The following STK32C variants were observed in gnomAD, a reference collection of about 807,000 sequenced individuals.
The protein encoded by STK32C is serine/threonine-protein kinase 32C.
STK32C carries 31 observed loss-of-function variants against 56.5 expected under a neutral mutation model. The ratio of observed to expected loss-of-function variants is 0.55; its 90% confidence interval spans 0.41 to 0.74. The LOEUF is 0.74. Ranked by LOEUF, STK32C falls within the 30% of genes least tolerant of loss-of-function variation. STK32C has a pLI of 0.00. For missense variants in STK32C, 544 were observed against 676.9 expected (o/e 0.80, Z 2.18); for synonymous variants, 309 against 289.4 (o/e 1.07, Z -0.69).
chr10:132,326,851 A>AG (rs2066508861), intron 1 of STK32C, among the ~76,000 whole-genome samples: 1 of 152,200 alleles, frequency 6.6e-6, no homozygotes, highest in Admixed American at 6.5e-5. Flanking sequence ...GACAGAGAAG[A>AG]GGGGTCCATT....
chr10:132,228,868 A>G (rs2062993228), intron 2 of STK32C, among the ~76,000 whole-genome samples: 1 of 152,192 alleles, frequency 6.6e-6, no homozygotes, highest in Non-Finnish European at 1.5e-5. Flanking sequence ...ACACAGAGTG[A>G]GCGTGGGGCT....
chr10:132,271,241 C>T (rs1195528741), intron 1 of STK32C, among the ~76,000 whole-genome samples: 1 of 152,174 alleles, frequency 6.6e-6, no homozygotes, highest in African/African-American at 2.4e-5. Flanking sequence ...TTCCAGCCAG[C>T]TTCGGCCTCC....
At chr10:132,254,540 G>A (rs1448499318) in intron 1 of STK32C, among the ~76,000 whole-genome samples, 1 of 98,826 alleles carries the variant, frequency 1.0e-5, no homozygotes, top group Non-Finnish European at 1.9e-5. Context: ...CCTGCCGCAG[G>A]GTGCCGGGAG....
At chr10:132,214,773 T>C (rs1458106212) in intron 10 of STK32C, among the ~76,000 whole-genome samples, 1 of 152,198 alleles carries the variant, frequency 6.6e-6, no homozygotes, top group Non-Finnish European at 1.5e-5. Context: ...GGCATCCCAC[T>C]GCACATGAGG....
At chr10:132,269,765 G>A (rs544373454) in intron 1 of STK32C, among the ~76,000 whole-genome samples, 2 of 152,184 alleles carry the variant, frequency 1.3e-5, no homozygotes, top group Admixed American at 1.3e-4. Flanking sequence ...GGCCTCCCCC[G>A]AATGCCTGTG....
At chr10:132,242,727 T>C (rs1477642281) in intron 2 of STK32C, among the ~76,000 whole-genome samples, 1 of 152,148 alleles carries the variant, frequency 6.6e-6, no homozygotes, top group Non-Finnish European at 1.5e-5. Flanking sequence ...GTTTTCTTTT[T>C]CCCCCACGAT....
upstream of STK32C, among the ~76,000 whole-genome samples, chr10:132,308,356 G>C (rs937500684): frequency 6.6e-6 from 1 of 152,160 alleles, no homozygotes; most frequent in African/African-American, 2.4e-5. Flanking sequence ...ACCTTCTCGC[G>C]GTCTCCGGGG....
intron 1 of STK32C, among the ~76,000 whole-genome samples, chr10:132,276,509 C>T (rs1257823243): frequency 2.6e-5 from 4 of 152,154 alleles, no homozygotes; most frequent in South Asian, 2.1e-4. Context: ...GGGCGAGGCA[C>T]GGCGGCTCAC....
intron 1 of STK32C, among the ~76,000 whole-genome samples, chr10:132,305,934 G>A (rs1339733046): frequency 6.6e-6 from 1 of 152,202 alleles, no homozygotes; most frequent in Non-Finnish European, 1.5e-5. Context: ...GCATCCGTGG[G>A]ACACCGTCAG....
chr10:132,248,964 T>G (rs2063787189), intron 1 of STK32C: 1 of 456,734 alleles, frequency 2.2e-6, no homozygotes, highest in Middle Eastern at 3.2e-4. Flanking sequence ...GGAAACAAAA[T>G]CTATTAAATA....
At chr10:132,290,705 C>T (rs756769048) in intron 1 of STK32C, among the ~76,000 whole-genome samples, 6 of 152,212 alleles carry the variant, frequency 3.9e-5, no homozygotes, top group South Asian at 4.1e-4. Flanking sequence ...AGCCCTGGGG[C>T]GCTGGACATT....
Position 132,207,586 on chromosome 10 carries a change from C to G in STK32C, c.*424G>C, listed in dbSNP as rs1242790526. ...AAAACATTCACCTCCCCACCCACTA[C>G]CCCAACCCATGCCCTTGACCTCCAA... On this transcript the variant is annotated 3_prime_UTR_variant, in exon 12 of 12. Transcript: ENST00000298630. The G allele has an allele frequency of 5.8e-6, 1 of 171,042 alleles. No individual in the cohort carries two copies. The highest frequency in any genetic ancestry group is 6.3e-5 in the Admixed American group (1 of 15,772). 10.6% of individuals were successfully genotyped at this position (171,042 alleles called of 1,614,324 possible).
chr10:132,243,462 G>C (rs1008322310), intron 2 of STK32C, among the ~76,000 whole-genome samples: 12 of 152,120 alleles, frequency 7.9e-5, no homozygotes, highest in Admixed American at 4.6e-4. Context: ...CAGGCTGGAC[G>C]AATGTCCATG....
At position 132,225,636 on chromosome 10, in the gene STK32C, G is replaced by A. The variant is rs1009650369; in HGVS notation, c.683-20C>T. On this transcript the variant is annotated intron_variant, in intron 5 of 11. Transcript: ENST00000298630. ...CATGTCCTGTGCAGAGAGGGGTCAG[G>A]TGTGGCTGTCCCAGGACCAGAGATG... 4.4e-6 allele frequency: 7 copies of A among 1,608,750 alleles called. No homozygotes were observed. The highest frequency in any genetic ancestry group is 6.0e-6 in the Non-Finnish European group (7 of 1,176,170).
chr10:132,214,272 G>C (rs905457026), intron 10 of STK32C, among the ~76,000 whole-genome samples: 1 of 147,460 alleles, frequency 6.8e-6, no homozygotes, highest in African/African-American at 2.4e-5. Flanking sequence ...AGCTGGGGGT[G>C]GGGGGTGGCG....
chr10:132,279,287 C>T (rs1024194960), intron 1 of STK32C, among the ~76,000 whole-genome samples: 9 of 152,144 alleles, frequency 5.9e-5, no homozygotes, highest in Middle Eastern at 3.2e-3. Context: ...GACCATGTTA[C>T]GGCCATAACA....
chr10:132,213,522 C>T (rs1164508183), intron 10 of STK32C, among the ~76,000 whole-genome samples: 1 of 152,242 alleles, frequency 6.6e-6, no homozygotes, highest in Non-Finnish European at 1.5e-5. Flanking sequence ...TGCCCCAAAC[C>T]TGGCCAGATT....
At chr10:132,218,424 A>T (rs2062534877) in intron 10 of STK32C, among the ~76,000 whole-genome samples, 1 of 152,262 alleles carries the variant, frequency 6.6e-6, no homozygotes, top group South Asian at 2.1e-4. Context: ...ACATTTCTCT[A>T]GACACAATGC....
intron 1 of STK32C, among the ~76,000 whole-genome samples, chr10:132,285,970 C>CA (rs1348867746): frequency 1.3e-5 from 2 of 151,876 alleles, no homozygotes; most frequent in Admixed American, 6.6e-5. Context: ...TAAAAAAGCA[C>CA]AAAAAATCAG....
Sources: allele counts gnomAD v4.1 joint callset (sites outside exome capture counted in the v4.1 genomes callset), GRCh38; gene constraint gnomAD v4.1.1; transcripts MANE v1.5; gene names NCBI Gene and HGNC (gene_info 2026-07-23, HGNC 2026-07-21).